The following ATP9B variants were observed in gnomAD, a reference collection of about 807,000 sequenced individuals.
The protein encoded by ATP9B is ATPase phospholipid transporting 9B, also known as probable phospholipid-transporting ATPase IIB.
In ATP9B, 110 loss-of-function variants were observed where a neutral mutation model predicts 146.1. The observed-to-expected ratio is 0.75, with a 90% CI of 0.65 to 0.88. ATP9B has a LOEUF of 0.88. Among genes scored for constraint, ATP9B ranks in the 40% least tolerant of loss-of-function variants. The pLI, the probability that ATP9B is intolerant of heterozygous loss-of-function variation, is 0.00. For missense variants in ATP9B, 1,499 were observed against 1,496.4 expected, an observed-to-expected ratio of 1.00 and a Z score of -0.03; for synonymous variants, 604 against 569.7, an observed-to-expected ratio of 1.06 and a Z score of -0.86.
At chr18:79,243,525 G>A (rs2144759205) in intron 11 of ATP9B, among the ~76,000 whole-genome samples, 1 of 152,294 alleles carries the variant, frequency 6.6e-6, no homozygotes, top group Non-Finnish European at 1.5e-5. Flanking sequence ...AATAAGCCAA[G>A]AAACACAGAA....
chr18:79,310,764 G>A (rs2096647977), intron 15 of ATP9B, among the ~76,000 whole-genome samples: 1 of 151,942 alleles, frequency 6.6e-6, no homozygotes, highest in Non-Finnish European at 1.5e-5. Flanking sequence ...AAACTTGTCT[G>A]TACATCAGGC....
At chr18:79,084,187 A>C (rs2073582381) in intron 1 of ATP9B, among the ~76,000 whole-genome samples, 2 of 151,658 alleles carry the variant, frequency 1.3e-5, no homozygotes. Flanking sequence ...TTCATAGATA[A>C]ATGTAACTCA....
chr18:79,143,177 T>A (rs1249581242), intron 5 of ATP9B, among the ~76,000 whole-genome samples: 1 of 152,184 alleles, frequency 6.6e-6, no homozygotes, highest in Admixed American at 6.5e-5. Flanking sequence ...GGGTGCAACA[T>A]TCATCTACTC....
At chr18:79,114,847 T>A (rs1394882402) in intron 4 of ATP9B, 1 of 152,556 alleles carries the variant, frequency 6.6e-6, no homozygotes, top group Non-Finnish European at 1.5e-5. Context: ...GGGTCATTGG[T>A]AATATATATC....
intron 12 of ATP9B, among the ~76,000 whole-genome samples, chr18:79,262,360 C>T (rs2096151999): frequency 6.6e-6 from 1 of 151,924 alleles, no homozygotes; most frequent in Non-Finnish European, 1.5e-5. Context: ...ACTCTCATCA[C>T]TAGTTTTATC....
intron 5 of ATP9B, among the ~76,000 whole-genome samples, chr18:79,139,078 A>G (rs1015918217): frequency 6.6e-6 from 1 of 152,190 alleles, no homozygotes; most frequent in South Asian, 2.1e-4. Context: ...TTACTTAATT[A>G]TCTATCACTC....
intron 13 of ATP9B, among the ~76,000 whole-genome samples, chr18:79,298,062 C>T (rs2096565518): frequency 6.8e-6 from 1 of 146,888 alleles, no homozygotes; most frequent in Admixed American, 7.0e-5. Context: ...AGGAAGGAAG[C>T]GAGGGTGCTT....
chr18:79,100,045 T>C (rs1337565984), intron 2 of ATP9B, among the ~76,000 whole-genome samples: 2 of 152,162 alleles, frequency 1.3e-5, no homozygotes, highest in Non-Finnish European at 2.9e-5. Context: ...GAGAATCACT[T>C]GAACCCAGGA....
At chr18:79,217,254 G>A (rs1300242957) in intron 11 of ATP9B, among the ~76,000 whole-genome samples, 1 of 152,070 alleles carries the variant, frequency 6.6e-6, no homozygotes, top group Non-Finnish European at 1.5e-5. Context: ...GCGCAATCTC[G>A]GCTCACTGCA....
rs910367136 is a variant in ATP9B, at chr18:79,207,158, A to T, written c.1030+146A>T. On this transcript the variant is annotated intron_variant, in intron 10 of 29. Coordinates refer to ENST00000426216, the MANE Select transcript of ATP9B (RefSeq NM_198531.5). The stretch of plus-strand genomic sequence containing the variant: ...CGCAGACTCCAGCTCAGTGGGTCTG[A>T]GACAGTCCTGGGAGCTTGTGGTGAG... 9.5e-6 allele frequency: 7 copies of T among 733,424 alleles called. No individual in the cohort carries two copies. The African/African-American group carries it at 1.2e-4, about 13-fold the overall frequency. The allele number at this position is 733,424 out of a possible 1,614,324, so 45.4% of individuals were successfully genotyped here.
At chr18:79,201,084 C>CT (rs2148277049) in intron 9 of ATP9B, among the ~76,000 whole-genome samples, 1 of 152,278 alleles carries the variant, frequency 6.6e-6, no homozygotes, top group East Asian at 1.9e-4. Context: ...AAGAGAGAAA[C>CT]TTATTTGTGG....
intron 15 of ATP9B, among the ~76,000 whole-genome samples, chr18:79,321,478 G>A (rs898474034): frequency 4.6e-5 from 7 of 151,656 alleles, no homozygotes; most frequent in Non-Finnish European, 1.0e-4. Context: ...TGCCTCCCGG[G>A]TTCAAGCGAT....
chr18:79,355,441 T>A (rs970491631), intron 25 of ATP9B, among the ~76,000 whole-genome samples: 35 of 151,390 alleles, frequency 2.3e-4, no homozygotes, highest in African/African-American at 8.5e-4. Context: ...ATCTTAGAGA[T>A]GAGAAATAAC....
At chr18:79,313,601 C>T (rs958533803) in intron 15 of ATP9B, among the ~76,000 whole-genome samples, 3 of 152,178 alleles carry the variant, frequency 2.0e-5, no homozygotes, top group African/African-American at 7.2e-5. Context: ...CCTTATTCCA[C>T]ATTTTTTATT....
chr18:79,373,362 T>G (rs9304054), intron 27 of ATP9B, among the ~76,000 whole-genome samples: 58,320 of 152,056 alleles, frequency 0.38, 11,390 homozygotes, highest in Middle Eastern at 0.54. Context: ...ATCCAGAGAT[T>G]AAAAAGTTTG....
chr18:79,223,572 C>T (rs116087742), intron 11 of ATP9B, among the ~76,000 whole-genome samples: 2,406 of 152,202 alleles, frequency 0.016, 65 homozygotes, highest in African/African-American at 0.055. Context: ...ATTCACAAAT[C>T]ATAGTGTTTC....
chr18:79,204,562 A>G (rs1204958666), intron 9 of ATP9B, among the ~76,000 whole-genome samples: 1 of 152,242 alleles, frequency 6.6e-6, no homozygotes, highest in African/African-American at 2.4e-5. Context: ...TAATTATCAG[A>G]TTTTTATAAG....
chr18:79,120,214 C>G (rs568315648), intron 4 of ATP9B, among the ~76,000 whole-genome samples: 6 of 152,266 alleles, frequency 3.9e-5, no homozygotes, highest in Non-Finnish European at 7.4e-5. Context: ...ATCTTTTGTT[C>G]TCTAAGGTTC....
chr18:79,236,604 A>G (rs544934857), intron 11 of ATP9B, among the ~76,000 whole-genome samples: 1 of 152,316 alleles, frequency 6.6e-6, no homozygotes, highest in South Asian at 2.1e-4. Flanking sequence ...TTTTGTATAT[A>G]AGAAGAAGTA....
Sources: allele counts gnomAD v4.1 joint callset (sites outside exome capture counted in the v4.1 genomes callset), GRCh38; gene constraint gnomAD v4.1.1; transcripts MANE v1.5; gene names NCBI Gene and HGNC (gene_info 2026-07-23, HGNC 2026-07-21).